The following IRF2 variants were observed in gnomAD, a reference collection of about 807,000 sequenced individuals.
The protein encoded by IRF2 is interferon regulatory factor 2.
Under a neutral mutation model 40.6 loss-of-function variants are expected in IRF2, and 15 were observed. The observed-to-expected ratio is 0.37, with a 90% confidence interval of 0.25 to 0.57. The LOEUF (loss-of-function observed/expected upper bound fraction) is 0.57, where lower values mean the gene tolerates loss of function less well. Among genes scored for constraint, IRF2 ranks in the 20% least tolerant of loss-of-function variants. The pLI, the probability that IRF2 is intolerant of heterozygous loss-of-function variation, is 0.77. For synonymous variants in IRF2, 151 were observed against 165.5 expected (o/e 0.91, Z 0.67); for missense variants, 317 against 455.7 (o/e 0.70, Z 2.77).
chr4:184,471,623 C>T (rs553240661), intron 1 of IRF2, among the ~76,000 whole-genome samples: 36 of 152,278 alleles, frequency 2.4e-4, no homozygotes, highest in African/African-American at 7.9e-4. Context: ...AATATAACAT[C>T]GTTGGTAACA....
intron 4 of IRF2, 49 bp from the exon 5 acceptor site, chr4:184,418,262 G>A (rs778498291): frequency 1.5e-5 from 21 of 1,366,744 alleles, no homozygotes; most frequent in Non-Finnish European, 2.1e-5. Flanking sequence ...AGGGCCTCCA[G>A]AGAAACATTT....
intron 1 of IRF2, among the ~76,000 whole-genome samples, chr4:184,468,701 A>G (rs374496440): frequency 2.0e-5 from 3 of 152,136 alleles, no homozygotes; most frequent in African/African-American, 7.2e-5. Context: ...GTGGCTTTCC[A>G]TTTCTACTCT....
At chr4:184,395,009 G>C (rs1736392402) in intron 7 of IRF2, among the ~76,000 whole-genome samples, 1 of 152,118 alleles carries the variant, frequency 6.6e-6, no homozygotes, top group Non-Finnish European at 1.5e-5. Context: ...TTGCAAAACT[G>C]AATGTGGTTT....
intron 2 of IRF2, among the ~76,000 whole-genome samples, chr4:184,425,292 T>A (rs534877695): frequency 6.6e-6 from 1 of 152,256 alleles, no homozygotes; most frequent in Non-Finnish European, 1.5e-5. Flanking sequence ...AGTATTTATA[T>A]GGACAGATGA....
chr4:184,449,490 C>A (rs139162738), intron 1 of IRF2, among the ~76,000 whole-genome samples: 349 of 152,320 alleles, frequency 2.3e-3, no homozygotes, highest in African/African-American at 7.8e-3. Context: ...CAGAGGCCAA[C>A]GCTCAATAAA....
At chr4:184,418,350 T>C (rs1737355495) in intron 4 of IRF2, 137 bp from the exon 5 acceptor site, 1 of 949,740 alleles carries the variant, frequency 1.1e-6, no homozygotes, top group Admixed American at 1.9e-5. Context: ...TCCACATGTA[T>C]CTTTCACTGC....
chr4:184,396,280 C>T (rs563033232), intron 7 of IRF2, among the ~76,000 whole-genome samples: 3 of 152,280 alleles, frequency 2.0e-5, no homozygotes, highest in South Asian at 2.1e-4. Context: ...CGGCAGAGCC[C>T]GTGCGCTGTC....
At position 184,388,703 on chromosome 4, in the gene IRF2, CA is replaced by C; in HGVS notation, c.*54del. 6.5e-7 allele frequency: 1 copy of C among 1,536,996 alleles called. No individual in the cohort carries two copies. Among genetic ancestry groups the C allele is most frequent in the African/African-American group, 1.4e-5 (1 of 71,446 alleles). ...CAGAGAGAAAAAAATAAAATACAAA[CA>C]AACAACAAAACAAAGCCAAGAAGCC... On this transcript the variant is annotated 3_prime_UTR_variant, in exon 9 of 9. Transcript: ENST00000393593. This position sits in a 1 kb window ranked among gnomAD's most constrained non-coding sequence, Gnocchi z 4.6.
At chr4:184,457,552 ACT>A (rs957436043) in intron 1 of IRF2, among the ~76,000 whole-genome samples, 6 of 152,296 alleles carry the variant, frequency 3.9e-5, no homozygotes, top group African/African-American at 1.4e-4. Flanking sequence ...TACTATAATC[ACT>A]CTCTTTACAA....
At chr4:184,398,636 ACAGAGCGAGACTCTGT>A (rs1736553652) in intron 7 of IRF2, among the ~76,000 whole-genome samples, 1 of 151,396 alleles carries the variant, frequency 6.6e-6, no homozygotes, top group South Asian at 2.1e-4. Context: ...AGCCTGGGAG[ACAGAGCGAGACTCTGT>A]CTCAAAAAAA....
intron 1 of IRF2, among the ~76,000 whole-genome samples, chr4:184,443,746 G>A (rs558946514): frequency 6.6e-6 from 1 of 152,210 alleles, no homozygotes; most frequent in South Asian, 2.1e-4. Flanking sequence ...GAATTGCTGG[G>A]TTGAATGGCA....
intron 6 of IRF2, among the ~76,000 whole-genome samples, chr4:184,406,329 A>G (rs1736854942): frequency 6.6e-6 from 1 of 151,552 alleles, no homozygotes; most frequent in African/African-American, 2.4e-5. Context: ...TCCTGGGTTC[A>G]ATCGATTCTC....
At chr4:184,429,265 T>C (rs1378887531) in intron 1 of IRF2, among the ~76,000 whole-genome samples, 195 bp from the exon 2 acceptor site, 1 of 152,190 alleles carries the variant, frequency 6.6e-6, no homozygotes, top group East Asian at 1.9e-4. Flanking sequence ...GGGGGCTATC[T>C]GGAGACACAG....
In IRF2 at chr4:184,388,375, G is replaced by A. The variant is rs1484232826; in HGVS notation, c.*383C>T. 9.8e-6 allele frequency: 2 copies of A among 203,280 alleles called. No individual in the cohort carries two copies. Among genetic ancestry groups the A allele is most frequent in the African/African-American group, 2.4e-5 (1 of 42,052 alleles). 12.6% of individuals were successfully genotyped at this position (203,280 alleles called of 1,614,324 possible). On this transcript the variant is annotated 3_prime_UTR_variant, in exon 9 of 9. Coordinates refer to ENST00000393593, the MANE Select transcript of IRF2 (RefSeq NM_002199.4). This position sits in a 1 kb window ranked among gnomAD's most constrained non-coding sequence, Gnocchi z 4.6. The stretch of plus-strand genomic sequence containing the variant: ...GCAGAAGCAGACTGCAATGTCGCTA[G>A]TGCTGCCTATGTACATATTCACAAG...
intron 1 of IRF2, among the ~76,000 whole-genome samples, chr4:184,461,864 A>C (rs971823572): frequency 2.6e-5 from 4 of 152,226 alleles, no homozygotes; most frequent in Non-Finnish European, 4.4e-5. Context: ...AGTGGAAAAA[A>C]TGGGTCAGCT....
In IRF2 at chr4:184,418,071, A is replaced by G. The variant is rs563418432; in HGVS notation, c.411+96T>C. On this transcript the variant is annotated intron_variant, in intron 5 of 8. Coordinates refer to ENST00000393593, the MANE Select transcript of IRF2 (RefSeq NM_002199.4). ...AGACACAAGCAAAGGAAGAAAGAGG[A>G]CACACTGAGGTCCTGTGACTCATCT... The G allele has an allele frequency of 1.2e-3, 1,033 of 874,634 alleles. 4 individuals are homozygous for G. Among genetic ancestry groups the G allele is most frequent in the Non-Finnish European group, 1.5e-3 (759 of 516,700 alleles). The allele number at this position is 874,634 out of a possible 1,614,324, so 54.2% of individuals were successfully genotyped here. A position where few individuals can be genotyped will look rare whatever the true frequency, so the allele number is the denominator to read the frequency against.
Position 184,445,053 on chromosome 4 carries a change from T to G in IRF2, c.-6-15983A>C, listed in dbSNP as rs902607789. 1.3e-4 allele frequency among the ~76,000 whole-genome samples: 20 copies of G among 152,340 alleles called. No homozygotes were observed. In the East Asian group the frequency reaches 3.5e-3, roughly 26 times the overall value. ...TGAGTCCCCAGCTGAGTCCACGTGCTGACACGCTGCTCTCTTCCCCCACAG... is the reference window on the plus strand; with the variant it reads ...TGAGTCCCCAGCTGAGTCCACGTGCGGACACGCTGCTCTCTTCCCCCACAG... On this transcript the variant is annotated intron_variant, in intron 1 of 8. Coordinates refer to ENST00000393593, the MANE Select transcript of IRF2 (RefSeq NM_002199.4).
At chr4:184,426,257 C>G (rs1348543263) in intron 2 of IRF2, among the ~76,000 whole-genome samples, 3 of 152,164 alleles carry the variant, frequency 2.0e-5, no homozygotes, top group Non-Finnish European at 2.9e-5. Flanking sequence ...CTCAGGTGAT[C>G]TGCCCAACTC....
rs527370312 is a variant in IRF2 at position 184,435,102 on chromosome 4, C to T, written c.-6-6032G>A. Among the ~76,000 whole-genome samples, 654 of 152,272 alleles carry T rather than the reference C, an allele frequency of 4.3e-3. 5 individuals carry two copies. The highest frequency in any genetic ancestry group is 0.012 in the South Asian group (56 of 4,816). ...TTTCTACAAGTTTTGCCATTTAACC[C>T]TTACAACCCTAGGACATAGGGACTT... On this transcript the variant is annotated intron_variant, in intron 1 of 8. Transcript: ENST00000393593.
Sources: allele counts gnomAD v4.1 joint callset (sites outside exome capture counted in the v4.1 genomes callset), GRCh38; gene constraint gnomAD v4.1.1; non-coding constraint Gnocchi (gnomAD v3.1); transcripts MANE v1.5; gene names NCBI Gene and HGNC (gene_info 2026-07-23, HGNC 2026-07-21).